The following HELLS variants were observed in gnomAD, a reference collection of about 807,000 sequenced individuals.
HELLS encodes lymphoid-specific helicase.
A neutral mutation model predicts 120.0 loss-of-function variants in HELLS; 32 were observed. The ratio of observed to expected loss-of-function variants is 0.27; its 90% CI spans 0.20 to 0.36. HELLS has a LOEUF of 0.36. HELLS is among the 10% of genes least tolerant of loss of function. HELLS has a pLI of 1.00. For missense variants in HELLS, 650 were observed against 993.4 expected (o/e 0.65, Z 4.65); for synonymous variants, 341 against 323.4 (o/e 1.05, Z -0.58).
At chr10:94,575,571 C>T (rs1267395469) in intron 9 of HELLS, among the ~76,000 whole-genome samples, 22 of 151,892 alleles carry the variant, frequency 1.4e-4, no homozygotes, top group Non-Finnish European at 1.0e-4. Context: ...TACAGGCGCA[C>T]ACCACAAGGC....
intron 10 of HELLS, among the ~76,000 whole-genome samples, chr10:94,577,961 G>A (rs1274594447): frequency 5.3e-5 from 8 of 151,872 alleles, no homozygotes; most frequent in South Asian, 2.1e-4. Context: ...TACTCGGGAG[G>A]CTGAGGCAGG....
chr10:94,579,642 A>G (rs1399943329), intron 10 of HELLS, among the ~76,000 whole-genome samples: 1 of 151,734 alleles, frequency 6.6e-6, no homozygotes, highest in Non-Finnish European at 1.5e-5. Flanking sequence ...CCTGGGCTCA[A>G]GTGATTCTCC....
At chr10:94,556,609 C>T (rs910902038) in intron 3 of HELLS, among the ~76,000 whole-genome samples, 7 of 152,100 alleles carry the variant, frequency 4.6e-5, no homozygotes, top group Non-Finnish European at 7.4e-5. Context: ...TCTTCTCGCC[C>T]GTCCCTACCC....
At chr10:94,578,079 A>G (rs951675353) in intron 10 of HELLS, among the ~76,000 whole-genome samples, 4 of 139,788 alleles carry the variant, frequency 2.9e-5, no homozygotes, top group Non-Finnish European at 4.5e-5. Flanking sequence ...TCAAAAAAAA[A>G]AAAAAAAAAA....
In HELLS at chr10:94,551,832, C is replaced by T. The variant is rs971836315; in HGVS notation, c.154-2294C>T. On this transcript the variant is annotated intron_variant, in intron 2 of 21. Transcript: ENST00000348459. ...TCGGCTCACTGCAAGCTCTGCCTTCCGGGTTCACGCCATTCTCCTGCCTCA... is the reference window on the plus strand; with the variant it reads ...TCGGCTCACTGCAAGCTCTGCCTTCTGGGTTCACGCCATTCTCCTGCCTCA... 5.9e-5 allele frequency among the ~76,000 whole-genome samples: 9 copies of T among 151,776 alleles called. No homozygotes were observed. The South Asian group carries it at 6.3e-4, about 11-fold the overall frequency.
At chr10:94,585,095 A>G (rs186313871) in intron 12 of HELLS, among the ~76,000 whole-genome samples, 63 of 152,096 alleles carry the variant, frequency 4.1e-4, no homozygotes, top group African/African-American at 1.5e-3. Context: ...TAAACCTTGC[A>G]TAGTAAAAAA....
intron 6 of HELLS, among the ~76,000 whole-genome samples, chr10:94,567,968 G>A (rs1172622613): frequency 6.9e-6 from 1 of 145,304 alleles, no homozygotes; most frequent in Non-Finnish European, 1.5e-5. Context: ...GGAATGCAGT[G>A]CTGCGATCTT....
At position 94,588,276 on chromosome 10, in the gene HELLS, T is replaced by C; in HGVS notation, c.1374T>C (p.Leu458=). The change falls in exon 13 of 22, where the codon CTT becomes CTC. Residue 458 remains leucine, a synonymous_variant. Coordinates refer to ENST00000348459, the MANE Select transcript of HELLS (RefSeq NM_018063.5). ...GAAGACTGAAGTCTGATGTTGCTCT[T>C]GAAGTTCCTCCTAAACGAGAAGTAG... The part of the protein sequence containing the change: ...LLRRLKSDVA[L]EVPPKREVVV... 2.5e-6 allele frequency: 4 copies of C among 1,610,842 alleles called. No individual in the cohort carries two copies. The highest frequency in any genetic ancestry group is 3.4e-6 in the Non-Finnish European group (4 of 1,177,958).
intron 12 of HELLS, 21 bp from the exon 13 acceptor site, chr10:94,588,208 C>G: frequency 6.8e-7 from 1 of 1,467,698 alleles, no homozygotes; most frequent in South Asian, 1.2e-5. Flanking sequence ...TCATATTTTT[C>G]TGTTCATGTT....
chr10:94,588,918 G>A (rs1230709354), intron 13 of HELLS, among the ~76,000 whole-genome samples: 8 of 152,122 alleles, frequency 5.3e-5, no homozygotes, highest in African/African-American at 1.4e-4. Flanking sequence ...AGGCCGAGGC[G>A]GGTGGATCAC....
chr10:94,558,763 G>A (rs1352315208), intron 4 of HELLS, among the ~76,000 whole-genome samples: 4 of 151,980 alleles, frequency 2.6e-5, no homozygotes. Flanking sequence ...CACCATGCCT[G>A]GCTAATTTTT....
At chr10:94,561,619 C>A (rs1843556886) in intron 4 of HELLS, among the ~76,000 whole-genome samples, 1 of 152,054 alleles carries the variant, frequency 6.6e-6, no homozygotes, top group Non-Finnish European at 1.5e-5. Flanking sequence ...GTGCACACCA[C>A]CATGCTCAGC....
intron 12 of HELLS, chr10:94,584,175 T>C (rs926171226): frequency 2.8e-6 from 2 of 707,954 alleles, no homozygotes; most frequent in Non-Finnish European, 4.0e-6. Context: ...TGATTATTGC[T>C]GAATTGAGAT....
chr10:94,612,664 G>A (rs1011306818), exon 10 of HELLS: 6 of 152,280 alleles, frequency 3.9e-5, no homozygotes, highest in African/African-American at 1.2e-4. Flanking sequence ...AGTGGCTCAT[G>A]CCTGTAATCC....
At chr10:94,598,219 C>T (rs538356628) in intron 21 of HELLS, among the ~76,000 whole-genome samples, 13 of 152,172 alleles carry the variant, frequency 8.5e-5, no homozygotes, top group East Asian at 1.9e-4. Context: ...AACTGTATTC[C>T]GTGACATTTT....
Position 94,592,529 on chromosome 10 carries a change from G to T in HELLS, c.1971+15G>T, listed in dbSNP as rs1305127620. On this transcript the variant is annotated intron_variant, in intron 17 of 21. Transcript: ENST00000348459. ...GAGAAAAAAACGTAAGACTACTTATGTCATACATACCAAACTATTCTTTTA... is the reference window on the plus strand; with the variant it reads ...GAGAAAAAAACGTAAGACTACTTATTTCATACATACCAAACTATTCTTTTA... The T allele has an allele frequency of 7.1e-7, 1 of 1,414,476 alleles. No individual in the cohort carries two copies. The highest frequency in any genetic ancestry group is 1.5e-5 in the African/African-American group (1 of 68,628). 87.6% of individuals were successfully genotyped at this position (1,414,476 alleles called of 1,614,324 possible).
At chr10:94,570,654 A>G (rs1844096852) in intron 6 of HELLS, 1 of 151,830 alleles carries the variant, frequency 6.6e-6, no homozygotes, top group Non-Finnish European at 1.5e-5. Context: ...ATGTAAGATA[A>G]TTATTTGCTA....
chr10:94,567,918 T>G (rs1843912019), intron 6 of HELLS, among the ~76,000 whole-genome samples: 2 of 149,086 alleles, frequency 1.3e-5, no homozygotes, highest in South Asian at 4.3e-4. Context: ...TTTTTTTTTT[T>G]TTTTTTTTTG....
chr10:94,605,037 A>C (rs1234832503), downstream of HELLS, among the ~76,000 whole-genome samples: 1 of 130,078 alleles, frequency 7.7e-6, no homozygotes, highest in African/African-American at 3.1e-5. Flanking sequence ...TGGCTGTTTC[A>C]TGTTTTGGAA....
Sources: allele counts gnomAD v4.1 joint callset (sites outside exome capture counted in the v4.1 genomes callset), GRCh38; gene constraint gnomAD v4.1.1; transcripts MANE v1.5; gene names NCBI Gene and HGNC (gene_info 2026-07-23, HGNC 2026-07-21).